Variants in SLC16A1 observed in about 807,000 individuals in gnomAD.
The protein encoded by SLC16A1 is solute carrier family 16 member 1, also known as monocarboxylate transporter 1.
A neutral mutation model predicts 32.2 loss-of-function variants in SLC16A1; 11 were observed. That is an observed-to-expected ratio of 0.34 (90% CI 0.21 to 0.56). The LOEUF is 0.56. SLC16A1 is among the 20% of genes least tolerant of loss of function. SLC16A1 has a pLI of 0.87. For missense variants in SLC16A1, 435 were observed against 615.0 expected (o/e 0.71, Z 3.10); for synonymous variants, 231 against 226.8 (o/e 1.02, Z -0.17).
At chr1:112,925,611 T>C (rs577249995) in intron 2 of SLC16A1, among the ~76,000 whole-genome samples, 2 of 151,934 alleles carry the variant, frequency 1.3e-5, no homozygotes, top group African/African-American at 2.4e-5. Context: ...AATCCCGGAC[T>C]CAAGTGATCC....
intron 2 of SLC16A1, chr1:112,922,506 G>A (rs976780008): frequency 3.5e-5 from 10 of 287,160 alleles, no homozygotes; most frequent in Non-Finnish European, 6.0e-5. Flanking sequence ...GGGCGCAGTA[G>A]CTCACGCCTG....
At chr1:112,943,965 T>A (rs1322625642) in intron 1 of SLC16A1, among the ~76,000 whole-genome samples, 2 of 151,884 alleles carry the variant, frequency 1.3e-5, no homozygotes, top group Non-Finnish European at 2.9e-5. Context: ...ACAGACATAA[T>A]CCCTGCCTTC....
At chr1:112,953,195 C>T (rs1170484502) in intron 1 of SLC16A1, among the ~76,000 whole-genome samples, 3 of 148,516 alleles carry the variant, frequency 2.0e-5, no homozygotes, top group Non-Finnish European at 4.4e-5. Flanking sequence ...TGCTCTGTCG[C>T]CTGAGCTGAG....
intron 2 of SLC16A1, among the ~76,000 whole-genome samples, chr1:112,928,279 C>T (rs1057008469): frequency 1.3e-5 from 2 of 152,140 alleles, no homozygotes; most frequent in Admixed American, 6.5e-5. Context: ...TCCTGTTTCA[C>T]GATCATATAT....
At chr1:112,937,481 C>T (rs552998729) in intron 1 of SLC16A1, among the ~76,000 whole-genome samples, 1 of 152,204 alleles carries the variant, frequency 6.6e-6, no homozygotes, top group Admixed American at 6.5e-5. Flanking sequence ...AATTCTGCCA[C>T]CACCTGACAA....
chr1:112,950,628 C>T (rs1479772564), intron 1 of SLC16A1, among the ~76,000 whole-genome samples: 1 of 152,212 alleles, frequency 6.6e-6, no homozygotes, highest in African/African-American at 2.4e-5. Flanking sequence ...TTCAATGGCT[C>T]AGCCCATGCA....
At chr1:112,928,758 A>T (rs1471711496) in intron 2 of SLC16A1, among the ~76,000 whole-genome samples, 3 of 152,216 alleles carry the variant, frequency 2.0e-5, no homozygotes. Context: ...ATTTATGTTT[A>T]CATTTCAAGA....
chr1:112,935,420 A>C (rs747557565), intron 1 of SLC16A1, among the ~76,000 whole-genome samples: 20 of 152,184 alleles, frequency 1.3e-4, no homozygotes, highest in Non-Finnish European at 5.9e-5. Flanking sequence ...AAAAAAAAGT[A>C]AAGTCAGTGA....
At chr1:112,945,990 T>A (rs1371159005) in intron 1 of SLC16A1, among the ~76,000 whole-genome samples, 1 of 152,134 alleles carries the variant, frequency 6.6e-6, no homozygotes. Flanking sequence ...CAACTCTGTC[T>A]CAAAAACAAA....
intron 1 of SLC16A1, among the ~76,000 whole-genome samples, chr1:112,942,228 TCCCAA>T: frequency 6.6e-6 from 1 of 152,308 alleles, no homozygotes; most frequent in East Asian, 1.9e-4. Flanking sequence ...TACCTCAGCC[TCCCAA>T]AATGCTGGGA....
rs1649769918 is a variant in SLC16A1, at chr1:112,948,235, A to AG, written c.-45+7799dup. Among the ~76,000 whole-genome samples, 3 of 151,778 alleles carry AG rather than the reference A, an allele frequency of 2.0e-5. No individual in the cohort carries two copies. In the South Asian group the frequency reaches 6.2e-4, roughly 32 times the overall value. On this transcript the variant is annotated intron_variant, in intron 1 of 4. Transcript: ENST00000369626. The stretch of plus-strand genomic sequence containing the variant: ...AAACTCCAGCCGGGGGCGGCGGGGG[A>AG]GAAAAAAAAAAGAGAAAAGTTCATG...
intron 3 of SLC16A1, among the ~76,000 whole-genome samples, chr1:112,920,431 C>A (rs1648681111): frequency 6.6e-6 from 1 of 152,140 alleles, no homozygotes; most frequent in Admixed American, 6.5e-5. Flanking sequence ...CATAGTGAAA[C>A]CCCGTCTCTA....
chr1:112,941,865 AAAGT>A (rs1649523374), intron 1 of SLC16A1, among the ~76,000 whole-genome samples: 1 of 152,210 alleles, frequency 6.6e-6, no homozygotes, highest in Non-Finnish European at 1.5e-5. Flanking sequence ...TTCACCACCT[AAAGT>A]AAGACAGAAG....
Position 112,919,011 on chromosome 1 carries a change from T to TTTA in SLC16A1, c.362-968_362-967insTAA, listed in dbSNP as rs374042504. Among the ~76,000 whole-genome samples, 128 of 144,292 alleles carry TTTA rather than the reference T, an allele frequency of 8.9e-4. 1 individual carries two copies. The South Asian group carries it at 0.016, about 18-fold the overall frequency. The allele number at this position is 144,292 out of a possible 152,430, so 94.7% of individuals were successfully genotyped here. On this transcript the variant is annotated intron_variant, in intron 3 of 4. Coordinates refer to ENST00000369626, the MANE Select transcript of SLC16A1 (RefSeq NM_003051.4). ...CTCCTGAAATGAATGTACTAATTTATTTTATTTATTTATTTATTTATTTAT... is the reference window on the plus strand; with the variant it reads ...CTCCTGAAATGAATGTACTAATTTATTTATTTATTTATTTATTTATTTATTTAT...
At chr1:112,941,187 A>AT (rs1347240685) in intron 1 of SLC16A1, among the ~76,000 whole-genome samples, 1 of 152,184 alleles carries the variant, frequency 6.6e-6, no homozygotes, top group East Asian at 1.9e-4. Context: ...AGAATCTAAA[A>AT]TAAAAGTTGA....
chr1:112,934,724 G>A (rs1456458548), intron 1 of SLC16A1, among the ~76,000 whole-genome samples: 1 of 152,152 alleles, frequency 6.6e-6, no homozygotes, highest in Non-Finnish European at 1.5e-5. Flanking sequence ...GAGACAAGAG[G>A]AGGACAGAAG....
intron 1 of SLC16A1, among the ~76,000 whole-genome samples, chr1:112,951,983 A>C (rs2101654894): frequency 6.6e-6 from 1 of 152,342 alleles, no homozygotes; most frequent in Admixed American, 6.5e-5. Flanking sequence ...ACAGGCTATT[A>C]GTGTAGTACA....
chr1:112,948,537 T>C (rs1171424534), intron 1 of SLC16A1, among the ~76,000 whole-genome samples: 1 of 151,956 alleles, frequency 6.6e-6, no homozygotes, highest in Non-Finnish European at 1.5e-5. Context: ...ACAGTCTTGC[T>C]CAGTTGCCCA....
chr1:112,929,662 A>G (rs955896136), intron 1 of SLC16A1, among the ~76,000 whole-genome samples: 1 of 152,160 alleles, frequency 6.6e-6, no homozygotes, highest in Non-Finnish European at 1.5e-5. Context: ...CCTGGGCAAC[A>G]TAAGTAGACC....
Sources: allele counts gnomAD v4.1 joint callset (sites outside exome capture counted in the v4.1 genomes callset), GRCh38; gene constraint gnomAD v4.1.1; transcripts MANE v1.5; gene names NCBI Gene and HGNC (gene_info 2026-07-23, HGNC 2026-07-21).